The following NHS variants were observed in gnomAD, a reference collection of about 807,000 sequenced individuals.
The protein encoded by NHS is NHS actin remodeling regulator.
NHS carries 5 observed loss-of-function variants against 72.5 expected under a neutral mutation model. The ratio of observed to expected loss-of-function variants is 0.07; its 90% CI spans 0.04 to 0.14. The LOEUF (loss-of-function observed/expected upper bound fraction) is 0.14. NHS is among the 10% of genes least tolerant of loss of function. NHS has a pLI of 1.00. For synonymous variants in NHS, 464 were observed against 547.7 expected (o/e 0.85, Z 2.13); for missense variants, 1,072 against 1,355.7 (o/e 0.79, Z 3.29).
chrX:17,598,141 C>G, intron 1 of NHS, among the ~76,000 whole-genome samples: 1 of 111,111 alleles, frequency 9.0e-6, no homozygotes, highest in Non-Finnish European at 1.9e-5. Flanking sequence ...GGCATGGGTC[C>G]TGACTGGATG....
At chrX:17,712,761 T>A (rs1400458148) in intron 3 of NHS, among the ~76,000 whole-genome samples, 1 of 109,728 alleles carries the variant, frequency 9.1e-6, no homozygotes, top group East Asian at 2.9e-4. Flanking sequence ...GGCTGAAAGG[T>A]TAGCGTGAAG....
chrX:17,398,619 G>A (rs950746833), intron 1 of NHS, among the ~76,000 whole-genome samples: 18 of 112,375 alleles, frequency 1.6e-4, no homozygotes, highest in Non-Finnish European at 1.5e-4. Context: ...GCTTGTTCTT[G>A]TCTGTGATGA....
At chrX:17,406,972 A>G (rs966157254) in intron 1 of NHS, among the ~76,000 whole-genome samples, 1 of 111,788 alleles carries the variant, frequency 8.9e-6, no homozygotes, top group Non-Finnish European at 1.9e-5. Context: ...TCAAAATCCT[A>G]ACAGCAGAAA....
intron 1 of NHS, among the ~76,000 whole-genome samples, chrX:17,431,132 C>A (rs2064693235): frequency 8.9e-6 from 1 of 111,908 alleles, no homozygotes; most frequent in Non-Finnish European, 1.9e-5. Flanking sequence ...GGGTAGACAT[C>A]AATGGATCTC....
At chrX:17,568,313 T>G (rs1240313507) in intron 1 of NHS, among the ~76,000 whole-genome samples, 1 of 112,020 alleles carries the variant, frequency 8.9e-6, no homozygotes, top group Non-Finnish European at 1.9e-5. Flanking sequence ...GGATGTGATG[T>G]TCATGCTAGC....
At chrX:17,574,016 G>A (rs1704199606) in intron 1 of NHS, among the ~76,000 whole-genome samples, 1 of 111,581 alleles carries the variant, frequency 9.0e-6, no homozygotes, top group Non-Finnish European at 1.9e-5. Context: ...AGAAGCTGCA[G>A]AACAGTAAAT....
At chrX:17,597,171 A>G (rs1184592920) in intron 1 of NHS, among the ~76,000 whole-genome samples, 2 of 102,323 alleles carry the variant, frequency 2.0e-5, no homozygotes, top group Middle Eastern at 5.2e-3. Flanking sequence ...CCAGGCTGGA[A>G]TGCAATGGCG....
chrX:17,475,362 CAAGAA>C (rs1417841250), intron 1 of NHS, among the ~76,000 whole-genome samples: 1 of 112,307 alleles, frequency 8.9e-6, no homozygotes, highest in African/African-American at 3.2e-5. Flanking sequence ...GATAATAAGC[CAAGAA>C]AGAGAGCAGG....
At chrX:17,699,480 A>G (rs909979407) in intron 3 of NHS, among the ~76,000 whole-genome samples, 6 of 112,009 alleles carry the variant, frequency 5.4e-5, no homozygotes, top group African/African-American at 1.9e-4. Flanking sequence ...TGCTGGAACA[A>G]CTGCATAGCC....
intron 1 of NHS, among the ~76,000 whole-genome samples, chrX:17,436,279 A>G (rs1399743051): frequency 1.8e-5 from 2 of 111,592 alleles, no homozygotes; most frequent in Non-Finnish European, 3.8e-5. Context: ...AGCTTGTTTA[A>G]GAATAAAACT....
chrX:17,441,170 G>A (rs1270373029), intron 1 of NHS, among the ~76,000 whole-genome samples: 4 of 112,416 alleles, frequency 3.6e-5, no homozygotes, highest in Non-Finnish European at 5.6e-5. Flanking sequence ...TTGGGGAAGA[G>A]GGAGCTCCCG....
In NHS at chrX:17,514,256, T is replaced by C. The variant is rs141226229; in HGVS notation, c.565+137934T>C. On this transcript the variant is annotated intron_variant, in intron 1 of 8. Transcript: ENST00000676302. Reference sequence around the variant, plus strand: ...CAAAGGAGATTAACATTTGAGTCAGTAGACTGGGAGAGGCAGACCTATCCT... The same window carrying C: ...CAAAGGAGATTAACATTTGAGTCAGCAGACTGGGAGAGGCAGACCTATCCT... 6.2e-5 allele frequency among the ~76,000 whole-genome samples: 7 copies of C among 112,426 alleles called. No homozygotes were observed. In the East Asian group the frequency reaches 1.7e-3, roughly 27 times the overall value.
intron 1 of NHS, among the ~76,000 whole-genome samples, chrX:17,642,062 C>A (rs2065884079): frequency 9.0e-6 from 1 of 111,634 alleles, no homozygotes; most frequent in East Asian, 2.8e-4. Flanking sequence ...TCTCCTGCCT[C>A]AGCTTCCCGA....
intron 2 of NHS, among the ~76,000 whole-genome samples, chrX:17,691,632 G>A (rs943169685): frequency 8.1e-5 from 9 of 111,772 alleles, no homozygotes; most frequent in Admixed American, 7.6e-4. Context: ...ATTGAATGGG[G>A]CAAAGAAAAT....
At chrX:17,602,489 ATACTC>A (rs1437785454) in intron 1 of NHS, among the ~76,000 whole-genome samples, 2 of 111,563 alleles carry the variant, frequency 1.8e-5, no homozygotes, top group African/African-American at 6.5e-5. Context: ...AGGGCCCACT[ATACTC>A]TAAGAAAGGA....
intron 1 of NHS, among the ~76,000 whole-genome samples, chrX:17,460,642 C>G (rs761797104): frequency 8.9e-6 from 1 of 111,955 alleles, no homozygotes; most frequent in South Asian, 3.8e-4. Context: ...TACTTGCTCT[C>G]CCTATTAATT....
chrX:17,378,085 T>TGTGTGTGTGTGTGTGTGTGTGTGTGTGA (rs1491390890), intron 1 of NHS, among the ~76,000 whole-genome samples: 1 of 104,469 alleles, frequency 9.6e-6, no homozygotes, highest in East Asian at 3.0e-4. Context: ...TGTGTGTGTG[T>TGTGTGTGTGTGTGTGTGTGTGTGTGTGA]GAGACACACC....
chrX:17,446,615 C>G (rs1034166849), intron 1 of NHS, among the ~76,000 whole-genome samples: 1 of 106,606 alleles, frequency 9.4e-6, no homozygotes, highest in Non-Finnish European at 1.9e-5. Flanking sequence ...TTTTCAGACT[C>G]AGCCCACCTG....
Position 17,539,894 on chromosome X carries a change from C to T in NHS, c.566-147848C>T, listed in dbSNP as rs1019973523. Among the ~76,000 whole-genome samples, 4 of 112,185 alleles carry T rather than the reference C, an allele frequency of 3.6e-5. No homozygotes were observed. In the South Asian group the frequency reaches 1.5e-3, roughly 42 times the overall value. ...GGTTTCTGTTTGCTCTTGTCACCTGCCTCAGCAAACCCTGAAGCCACATGT... is the reference window on the plus strand; with the variant it reads ...GGTTTCTGTTTGCTCTTGTCACCTGTCTCAGCAAACCCTGAAGCCACATGT... On this transcript the variant is annotated intron_variant, in intron 1 of 8. Coordinates refer to ENST00000676302, the MANE Select transcript of NHS (RefSeq NM_001291867.2).
Sources: allele counts gnomAD v4.1 joint callset (sites outside exome capture counted in the v4.1 genomes callset), GRCh38; gene constraint gnomAD v4.1.1; transcripts MANE v1.5; gene names NCBI Gene and HGNC (gene_info 2026-07-23, HGNC 2026-07-21).